The following RGS17 variants were observed in gnomAD, a reference collection of about 807,000 sequenced individuals.
RGS17 encodes regulator of G protein signaling 17.
In RGS17, 12 loss-of-function variants were observed where a neutral mutation model predicts 25.5. That is an observed-to-expected ratio of 0.47 (90% CI 0.30 to 0.76). RGS17 has a LOEUF of 0.76. Ranked by LOEUF, RGS17 falls within the 30% of genes least tolerant of loss-of-function variation. The pLI is 0.07. For missense variants in RGS17, 196 were observed against 242.2 expected, an observed-to-expected ratio of 0.81 and a Z score of 1.27; for synonymous variants, 71 against 76.9, an observed-to-expected ratio of 0.92 and a Z score of 0.40.
intron 1 of RGS17, among the ~76,000 whole-genome samples, chr6:153,044,976 T>G (rs891208559): frequency 6.6e-6 from 1 of 152,194 alleles, no homozygotes; most frequent in African/African-American, 2.4e-5. Context: ...AAATAGGCAA[T>G]GTATGTAAAT....
At chr6:153,088,549 T>C (rs574297673) in intron 1 of RGS17, among the ~76,000 whole-genome samples, 1 of 152,316 alleles carries the variant, frequency 6.6e-6, no homozygotes, top group African/African-American at 2.4e-5. Flanking sequence ...TACATGTTTA[T>C]TTTATAAGCG....
intron 4 of RGS17, among the ~76,000 whole-genome samples, chr6:153,013,172 C>CT (rs1248522987): frequency 6.6e-6 from 1 of 152,206 alleles, no homozygotes; most frequent in Non-Finnish European, 1.5e-5. Flanking sequence ...TGTGCTCACT[C>CT]TGTGTCTCTG....
intron 4 of RGS17, among the ~76,000 whole-genome samples, chr6:153,018,129 G>A (rs1208754369): frequency 6.6e-6 from 1 of 152,120 alleles, no homozygotes; most frequent in Admixed American, 6.5e-5. Flanking sequence ...TCTTGGTGGT[G>A]TCTGGATGAT....
chr6:153,119,635 G>T (rs7758002), intron 1 of RGS17, among the ~76,000 whole-genome samples: 68,881 of 151,926 alleles, frequency 0.45, 16,212 homozygotes, highest in East Asian at 0.85. Context: ...GGAGGTTGCA[G>T]TGAGCCGAGA....
intron 1 of RGS17, among the ~76,000 whole-genome samples, chr6:153,076,243 T>A (rs193202824): frequency 2.0e-5 from 3 of 152,162 alleles, no homozygotes; most frequent in Admixed American, 2.0e-4. Flanking sequence ...ACACTGTTAT[T>A]GTCATTATGA....
intron 1 of RGS17, among the ~76,000 whole-genome samples, chr6:153,065,756 C>A (rs1342635138): frequency 2.0e-5 from 3 of 151,916 alleles, no homozygotes; most frequent in African/African-American, 7.3e-5. Context: ...CACAAAACAC[C>A]AAAACCTATA....
chr6:153,016,533 TAAGAC>T (rs1394980287), intron 4 of RGS17, among the ~76,000 whole-genome samples: 1 of 152,216 alleles, frequency 6.6e-6, no homozygotes, highest in Admixed American at 6.5e-5. Flanking sequence ...ATTATTATCT[TAAGAC>T]AAATAAAATA....
chr6:153,080,435 C>G (rs757918631), intron 1 of RGS17, among the ~76,000 whole-genome samples: 1 of 151,840 alleles, frequency 6.6e-6, no homozygotes, highest in East Asian at 1.9e-4. Context: ...AATTTCTGTT[C>G]CCTCCCCTTC....
intron 1 of RGS17, among the ~76,000 whole-genome samples, chr6:153,114,376 A>G (rs1052657699): frequency 1.3e-5 from 2 of 152,178 alleles, no homozygotes; most frequent in African/African-American, 4.8e-5. Flanking sequence ...CCAAGACTAA[A>G]CCAGAAAGAA....
At chr6:153,047,352 C>T (rs895524270) in intron 1 of RGS17, among the ~76,000 whole-genome samples, 8 of 152,146 alleles carry the variant, frequency 5.3e-5, no homozygotes, top group African/African-American at 1.9e-4. Flanking sequence ...AAATTTAAGA[C>T]TACATCAATT....
At chr6:153,085,711 A>C (rs1285922678) in intron 1 of RGS17, among the ~76,000 whole-genome samples, 1 of 152,238 alleles carries the variant, frequency 6.6e-6, no homozygotes, top group East Asian at 1.9e-4. Context: ...AATGGCATTA[A>C]TAAATATTAC....
chr6:153,064,772 T>A (rs1776685407), intron 1 of RGS17, among the ~76,000 whole-genome samples: 1 of 152,134 alleles, frequency 6.6e-6, no homozygotes, highest in South Asian at 2.1e-4. Flanking sequence ...GCAAGCCTCA[T>A]GGTAACCTCA....
intron 1 of RGS17, among the ~76,000 whole-genome samples, chr6:153,066,510 C>T (rs1776709803): frequency 6.6e-6 from 1 of 152,108 alleles, no homozygotes; most frequent in Non-Finnish European, 1.5e-5. Flanking sequence ...CCAGTATTAT[C>T]TTGATACCAA....
rs565279710 is a variant in RGS17, at chr6:153,057,749, C to T, written c.-25-13706G>A. On this transcript the variant is annotated intron_variant, in intron 1 of 4. Coordinates refer to ENST00000206262, the MANE Select transcript of RGS17 (RefSeq NM_012419.5). ...GAGCTTTCAGCTTGTTTTCCTGCAA[C>T]TAGACACTCCCATCTGGGGGTGTTG... is the stretch of plus-strand genomic sequence containing the variant. Among the ~76,000 whole-genome samples, 4 of 152,320 alleles carry T rather than the reference C, an allele frequency of 2.6e-5. No individual in the cohort carries two copies. In the South Asian group the frequency reaches 8.3e-4, roughly 32 times the overall value.
chr6:153,029,153 A>G (rs1359382322), intron 2 of RGS17, among the ~76,000 whole-genome samples: 1 of 152,242 alleles, frequency 6.6e-6, no homozygotes, highest in South Asian at 2.1e-4. Context: ...TACAACAGAC[A>G]TTCAGTAAAT....
intron 2 of RGS17, among the ~76,000 whole-genome samples, chr6:153,033,742 A>T (rs1018745213): frequency 6.6e-6 from 1 of 151,920 alleles, no homozygotes; most frequent in African/African-American, 2.4e-5. Context: ...AATAAATAAA[A>T]ATAAAATAAA....
chr6:153,019,945 C>T (rs1223588985), intron 4 of RGS17, among the ~76,000 whole-genome samples: 1 of 151,254 alleles, frequency 6.6e-6, no homozygotes, highest in Non-Finnish European at 1.5e-5. Flanking sequence ...TTATTATCTT[C>T]ATTTGTTTTC....
Position 153,024,259 on chromosome 6 carries a change from T to C in RGS17, c.444+3A>G, listed in dbSNP as rs1298402987. On this transcript the variant is annotated splice_donor_region_variant and intron_variant, in intron 4 of 4. Transcript: ENST00000206262. ...CCCACCTCAATGTTTTCCAGATTTTTACCTCTTTTGGTGATAGTATAGAAA... is the reference window on the plus strand; with the variant it reads ...CCCACCTCAATGTTTTCCAGATTTTCACCTCTTTTGGTGATAGTATAGAAA... 1 of 1,594,792 alleles carries C rather than the reference T, an allele frequency of 6.3e-7. No individual in the cohort carries two copies. The highest frequency in any genetic ancestry group is 8.6e-7 in the Non-Finnish European group (1 of 1,164,712).
intron 1 of RGS17, among the ~76,000 whole-genome samples, chr6:153,085,817 C>T (rs1777045662): frequency 1.3e-5 from 2 of 152,098 alleles, no homozygotes; most frequent in African/African-American, 4.8e-5. Context: ...AAAAATAGAG[C>T]CCATGTACCC....
Sources: allele counts gnomAD v4.1 joint callset (sites outside exome capture counted in the v4.1 genomes callset), GRCh38; gene constraint gnomAD v4.1.1; transcripts MANE v1.5; gene names NCBI Gene and HGNC (gene_info 2026-07-23, HGNC 2026-07-21).